The following COP1 variants were observed in gnomAD, a reference collection of about 807,000 sequenced individuals.
The protein encoded by COP1 is COP1 E3 ubiquitin ligase, also known as E3 ubiquitin-protein ligase COP1.
A neutral mutation model predicts 101.3 loss-of-function variants in COP1; 24 were observed. That is an observed-to-expected ratio of 0.24 (90% confidence interval 0.17 to 0.33). The LOEUF (loss-of-function observed/expected upper bound fraction) is 0.33. Ranked by LOEUF, COP1 falls within the 10% of genes least tolerant of loss-of-function variation. The probability of loss-of-function intolerance (pLI) is 1.00; values close to 1 mark genes in which losing one functional copy is unlikely to be tolerated. For missense variants in COP1, 663 were observed against 906.2 expected (o/e 0.73, Z 3.45); for synonymous variants, 347 against 341.9 (o/e 1.01, Z -0.17).
intron 1 of COP1, among the ~76,000 whole-genome samples, chr1:176,199,296 G>A (rs1019127126): frequency 1.3e-5 from 2 of 152,086 alleles, no homozygotes; most frequent in African/African-American, 2.4e-5. Flanking sequence ...CAGCTGGGGC[G>A]ACAGTATGAG....
At chr1:175,986,861 A>G in intron 18 of COP1, 82 bp downstream of exon 18, 1 of 1,115,964 alleles carries the variant, frequency 9.0e-7, no homozygotes, top group South Asian at 1.9e-5. Flanking sequence ...ACCAATTTAT[A>G]TTTTAAAATT....
chr1:176,142,102 G>A (rs1690788993), intron 6 of COP1, among the ~76,000 whole-genome samples: 2 of 152,110 alleles, frequency 1.3e-5, no homozygotes, highest in Non-Finnish European at 2.9e-5. Context: ...TGATAGAGTA[G>A]TGAGGGGACA....
intron 17 of COP1, among the ~76,000 whole-genome samples, chr1:175,987,420 T>C (rs1657385421): frequency 6.6e-6 from 1 of 152,164 alleles, no homozygotes; most frequent in African/African-American, 2.4e-5. Flanking sequence ...TTACTTTTAA[T>C]TACTTTTGCA....
chr1:176,049,174 G>A (rs1418716626), intron 11 of COP1, among the ~76,000 whole-genome samples: 1 of 48,540 alleles, frequency 2.1e-5, no homozygotes, highest in South Asian at 7.7e-4. Context: ...GCGAGACTCC[G>A]TCTCAAAAAA....
chr1:176,147,068 G>A (rs551088533), intron 6 of COP1, among the ~76,000 whole-genome samples: 44 of 152,152 alleles, frequency 2.9e-4, no homozygotes, highest in African/African-American at 9.1e-4. Context: ...ATGAAATCAC[G>A]AAGTTAATTT....
chr1:176,049,365 A>G (rs1001692333), intron 11 of COP1, among the ~76,000 whole-genome samples: 1 of 151,900 alleles, frequency 6.6e-6, no homozygotes, highest in Non-Finnish European at 1.5e-5. Context: ...TTTCATTGCT[A>G]TTATTTTCTT....
chr1:176,163,798 TAA>T lies in COP1; in HGVS notation c.642+15_642+16del, dbSNP rs772565327. Reference sequence around the variant, plus strand: ...AAATGAAATTTATTAAAAATAGTAATAAGAGTTGAAACATACGGTGCTACTCA... The same window carrying T: ...AAATGAAATTTATTAAAAATAGTAATGAGTTGAAACATACGGTGCTACTCA... On this transcript the variant is annotated intron_variant, in intron 4 of 19. Coordinates refer to ENST00000367669, the MANE Select transcript of COP1 (RefSeq NM_022457.7). 1.5e-5 allele frequency: 22 copies of T among 1,426,846 alleles called. No homozygotes were observed. The highest frequency in any genetic ancestry group is 1.3e-4 in the South Asian group (10 of 75,486). The allele number at this position is 1,426,846 out of a possible 1,614,324, so 88.4% of individuals were successfully genotyped here.
intron 11 of COP1, among the ~76,000 whole-genome samples, chr1:176,062,059 G>A: frequency 6.6e-6 from 1 of 152,152 alleles, no homozygotes; most frequent in East Asian, 1.9e-4. Context: ...GAGTGCAGTG[G>A]TGCAATCTGG....
chr1:175,969,117 G>C (rs1652728319), intron 18 of COP1, among the ~76,000 whole-genome samples: 1 of 152,174 alleles, frequency 6.6e-6, no homozygotes, highest in Admixed American at 6.5e-5. Flanking sequence ...GGAATACCAT[G>C]TTAACAGAAA....
rs763330332 is a variant in COP1 at position 175,945,176 on chromosome 1, TG to T, written c.2179-7del. On this transcript the variant is annotated splice_region_variant and splice_polypyrimidine_tract_variant and intron_variant, in intron 19 of 19. Coordinates refer to ENST00000367669, the MANE Select transcript of COP1 (RefSeq NM_022457.7). ...CTTCATACCAATTCTAGCACCTAAT[TG>T]GGGGGAAAAAAGGATCCATTTAATA... The T allele has an allele frequency of 6.3e-5, 99 of 1,568,598 alleles. No individual in the cohort carries two copies. The highest frequency in any genetic ancestry group is 8.1e-5 in the Non-Finnish European group (93 of 1,148,126).
chr1:176,094,021 C>CT (rs1681857519), intron 9 of COP1, among the ~76,000 whole-genome samples: 1 of 68,064 alleles, frequency 1.5e-5, no homozygotes, highest in Admixed American at 1.6e-4. Flanking sequence ...GACTCTGTCT[C>CT]AAAAAAAAAA....
At position 176,125,635 on chromosome 1, in the gene COP1, T is replaced by A. The variant is rs187297658; in HGVS notation, c.969-8954A>T. Among the ~76,000 whole-genome samples, 10 of 152,310 alleles carry A rather than the reference T, an allele frequency of 6.6e-5. No individual in the cohort carries two copies. The East Asian group carries it at 1.9e-3, about 29-fold the overall frequency. The stretch of plus-strand genomic sequence containing the variant: ...TGTTTTGGTTACTATAGCTATATAG[T>A]ATAATGTAAAATCAGGTAATAACGA... On this transcript the variant is annotated intron_variant, in intron 8 of 19. Coordinates refer to ENST00000367669, the MANE Select transcript of COP1 (RefSeq NM_022457.7).
chr1:175,972,506 C>T (rs1391772930), intron 18 of COP1, among the ~76,000 whole-genome samples: 1 of 145,310 alleles, frequency 6.9e-6, no homozygotes, highest in Non-Finnish European at 1.5e-5. Flanking sequence ...GGCTGTGTTG[C>T]CAGAATGGAG....
rs936454549 is a variant in COP1 at position 176,004,067 on chromosome 1, A to G, written c.1730-14588T>C. Among the ~76,000 whole-genome samples, 36 of 146,870 alleles carry G rather than the reference A, an allele frequency of 2.5e-4. No individual in the cohort carries two copies. The East Asian group carries it at 2.5e-3, about 10-fold the overall frequency. On this transcript the variant is annotated intron_variant, in intron 15 of 19. Coordinates refer to ENST00000367669, the MANE Select transcript of COP1 (RefSeq NM_022457.7). ...AGTTCTCCTTGAAGAGGTCCTTCAC[A>G]TCCCTTGTAAGTTGGATTCCTAGGT...
At chr1:175,998,646 T>C (rs1293377649) in intron 15 of COP1, among the ~76,000 whole-genome samples, 1 of 152,018 alleles carries the variant, frequency 6.6e-6, no homozygotes, top group Non-Finnish European at 1.5e-5. Context: ...CCAGGGTTAT[T>C]ACATCCATTT....
intron 11 of COP1, among the ~76,000 whole-genome samples, chr1:176,080,670 C>T (rs758652927): frequency 2.6e-5 from 4 of 152,078 alleles, no homozygotes; most frequent in Admixed American, 6.5e-5. Context: ...CCTGATGAGA[C>T]GGACAAATGT....
At chr1:175,959,138 G>A (rs545814777) in intron 18 of COP1, among the ~76,000 whole-genome samples, 123 of 151,736 alleles carry the variant, frequency 8.1e-4, no homozygotes, top group African/African-American at 2.7e-4. Flanking sequence ...TTATTCCAGC[G>A]AATGTAAAGT....
At chr1:175,995,046 T>A (rs1659773751) in intron 15 of COP1, among the ~76,000 whole-genome samples, 1 of 152,134 alleles carries the variant, frequency 6.6e-6, no homozygotes, top group Non-Finnish European at 1.5e-5. Flanking sequence ...ACAAACTGTC[T>A]CTCAGACCAC....
rs941359542 is a variant in COP1 at position 176,207,121 on chromosome 1, G to T, written c.-143C>A. On this transcript the variant is annotated 5_prime_UTR_variant, in exon 1 of 20. Transcript: ENST00000367669. Reference sequence around the variant, plus strand: ...TGGGGCTGAGGAACAATAAAGTTGCGTTTTTTTTTAAGGCAGCCACACAAC... The same window carrying T: ...TGGGGCTGAGGAACAATAAAGTTGCTTTTTTTTTTAAGGCAGCCACACAAC... 6.5e-5 allele frequency: 38 copies of T among 586,914 alleles called. No individual in the cohort carries two copies. The highest frequency in any genetic ancestry group is 9.9e-5 in the Non-Finnish European group (38 of 384,950). The allele number at this position is 586,914 out of a possible 1,614,324, so 36.4% of individuals were successfully genotyped here.
Sources: gnomAD v4.1 joint callset for allele counts (sites outside exome capture counted in the v4.1 genomes callset) on GRCh38, gnomAD v4.1.1 for gene constraint, MANE v1.5 for transcripts, NCBI Gene and HGNC (gene_info 2026-07-23, HGNC 2026-07-21) for gene names.